Variants in FIG4 observed in about 807,000 individuals in gnomAD.
FIG4 encodes the protein FIG4 phosphoinositide 5-phosphatase.
A neutral mutation model predicts 118.6 loss-of-function variants in FIG4; 112 were observed. The ratio of observed to expected loss-of-function variants is 0.94; its 90% confidence interval spans 0.81 to 1.11. The LOEUF (loss-of-function observed/expected upper bound fraction) is 1.11. Ranked by LOEUF, FIG4 falls within the 50% of genes least tolerant of loss-of-function variation. FIG4 has a pLI of 0.00. For missense variants in FIG4, 969 were observed against 1,111.7 expected, an observed-to-expected ratio of 0.87 and a Z score of 1.83; for synonymous variants, 369 against 381.2, an observed-to-expected ratio of 0.97 and a Z score of 0.37.
At chr6:109,734,907 G>A (rs1316570799) in intron 5 of FIG4, among the ~76,000 whole-genome samples, 1 of 152,054 alleles carries the variant, frequency 6.6e-6, no homozygotes, top group Non-Finnish European at 1.5e-5. Context: ...AATAACGTAG[G>A]TTACTGACAT....
At chr6:109,763,666 A>C (rs1330527573) in intron 12 of FIG4, among the ~76,000 whole-genome samples, 1 of 152,216 alleles carries the variant, frequency 6.6e-6, no homozygotes, top group Non-Finnish European at 1.5e-5. Flanking sequence ...ATTTTGGTTG[A>C]GCATGGGTAA....
chr6:109,756,524 C>A (rs980143592), intron 10 of FIG4, among the ~76,000 whole-genome samples: 48 of 152,180 alleles, frequency 3.2e-4, no homozygotes, highest in Non-Finnish European at 5.0e-4. Context: ...TAATATCCTG[C>A]AGAGTGTTTT....
intron 10 of FIG4, among the ~76,000 whole-genome samples, 180 bp downstream of exon 10, chr6:109,743,952 A>G (rs1776405268): frequency 6.6e-6 from 1 of 152,094 alleles, no homozygotes; most frequent in Non-Finnish European, 1.5e-5. Flanking sequence ...CTCAGATTCC[A>G]TGTGGCTTCT....
rs1266127215 is a variant in FIG4, at chr6:109,791,435, C to T, written c.2240C>T (p.Pro747Leu). ...CGGAAAACGGCAGCCAGCGCCCCGC[C>T]GCCCCCCAGCGAGGAGGCTGTGTCC... is the stretch of plus-strand genomic sequence containing the variant. The part of the protein sequence containing the change: ...LQRKTAASAP[P>L]PPSEEAVSSS... Residue 747 changes from proline (P) to leucine (L), a missense_variant, in exon 20 of 23, where the codon CCG becomes CTG. Pro to Leu is a moderately conservative substitution (Grantham distance 98). This residue lies in a region of FIG4 where 330 missense variants were observed against 348.1 expected (regional missense o/e 0.95). Coordinates refer to ENST00000230124, the MANE Select transcript of FIG4 (RefSeq NM_014845.6). The T allele has an allele frequency of 3.1e-6, 5 of 1,613,614 alleles. No individual in the cohort carries two copies. The highest frequency in any genetic ancestry group is 2.2e-5 in the East Asian group (1 of 44,896).
intron 12 of FIG4, among the ~76,000 whole-genome samples, chr6:109,763,610 T>G (rs942221207): frequency 2.0e-5 from 3 of 152,198 alleles, no homozygotes; most frequent in Admixed American, 6.5e-5. Flanking sequence ...ATTATTCATG[T>G]GTATAGAGAC....
At chr6:109,727,471 G>A (rs1312865662) in intron 4 of FIG4, among the ~76,000 whole-genome samples, 1 of 152,066 alleles carries the variant, frequency 6.6e-6, no homozygotes, top group African/African-American at 2.4e-5. Context: ...AAGATCAAAT[G>A]TTGGCTCAGA....
At chr6:109,722,899 C>G (rs1400513818) in intron 3 of FIG4, among the ~76,000 whole-genome samples, 1 of 152,018 alleles carries the variant, frequency 6.6e-6, no homozygotes, top group African/African-American at 2.4e-5. Context: ...GGTGGCCTAC[C>G]CCTCATGAGC....
intron 8 of FIG4, among the ~76,000 whole-genome samples, chr6:109,742,000 C>T (rs1776339138): frequency 6.7e-6 from 1 of 150,102 alleles, no homozygotes; most frequent in Admixed American, 6.6e-5. Context: ...ATGTGGGGGG[C>T]TGACAATAAT....
chr6:109,761,316 G>T (rs1181815559), intron 11 of FIG4, among the ~76,000 whole-genome samples: 1 of 151,968 alleles, frequency 6.6e-6, no homozygotes, highest in African/African-American at 2.4e-5. Flanking sequence ...TCAGCCTCCT[G>T]AGTAGCTGGG....
At chr6:109,811,146 CAT>C (rs1243839993) in intron 22 of FIG4, among the ~76,000 whole-genome samples, 2 of 152,134 alleles carry the variant, frequency 1.3e-5, no homozygotes, top group African/African-American at 4.8e-5. Context: ...AATTAGGAAT[CAT>C]GTGATCATTC....
chr6:109,703,895 T>C (rs1441160656), intron 1 of FIG4, among the ~76,000 whole-genome samples: 3 of 152,192 alleles, frequency 2.0e-5, no homozygotes, highest in Non-Finnish European at 4.4e-5. Flanking sequence ...TCTCAGCTGG[T>C]TCCTTCTCCG....
intron 14 of FIG4, among the ~76,000 whole-genome samples, chr6:109,765,587 T>C (rs1392164166): frequency 1.3e-5 from 2 of 152,210 alleles, no homozygotes; most frequent in Admixed American, 1.3e-4. Context: ...TTTTTGCTTG[T>C]GTTAATTATG....
At chr6:109,745,576 C>G (rs1257393776) in intron 10 of FIG4, among the ~76,000 whole-genome samples, 2 of 152,004 alleles carry the variant, frequency 1.3e-5, no homozygotes, top group Non-Finnish European at 2.9e-5. Context: ...CAATTTTCTC[C>G]CATTCTATAG....
At chr6:109,744,165 A>G (rs577626655) in intron 10 of FIG4, among the ~76,000 whole-genome samples, 60 of 152,180 alleles carry the variant, frequency 3.9e-4, no homozygotes, top group African/African-American at 1.4e-3. Context: ...TTGAAAATCC[A>G]TAAGCTCCCC....
chr6:109,794,818 C>T (rs1208759243), intron 21 of FIG4, among the ~76,000 whole-genome samples: 1 of 152,174 alleles, frequency 6.6e-6, no homozygotes, highest in Admixed American at 6.5e-5. Context: ...TCCCACCTGG[C>T]CTATCACAGA....
At chr6:109,816,803 A>G (rs751978500) in intron 22 of FIG4, among the ~76,000 whole-genome samples, 6 of 152,264 alleles carry the variant, frequency 3.9e-5, no homozygotes, top group Non-Finnish European at 4.4e-5. Flanking sequence ...GACAAAGTCA[A>G]TGGTAGCTCT....
chr6:109,813,397 C>T (rs1314863647), intron 22 of FIG4, among the ~76,000 whole-genome samples: 2 of 152,194 alleles, frequency 1.3e-5, no homozygotes, highest in East Asian at 1.9e-4. Context: ...TTTGCCAGTA[C>T]TCCCTAAAAT....
chr6:109,761,618 C>T (rs1389927187), intron 11 of FIG4, among the ~76,000 whole-genome samples: 1 of 152,190 alleles, frequency 6.6e-6, no homozygotes, highest in Non-Finnish European at 1.5e-5. Flanking sequence ...AACTCCTGAC[C>T]TTAAGTGATC....
intron 5 of FIG4, among the ~76,000 whole-genome samples, chr6:109,734,001 A>G (rs1026021829): frequency 2.6e-5 from 4 of 151,974 alleles, no homozygotes; most frequent in African/African-American, 9.7e-5. Flanking sequence ...TTTAAATAGA[A>G]ATAATTGATT....
Sources: gnomAD v4.1 joint callset for allele counts (sites outside exome capture counted in the v4.1 genomes callset) on GRCh38, gnomAD v4.1.1 for gene constraint, gnomAD v4.1.1 regional missense constraint, MANE v1.5 for transcripts, NCBI Gene and HGNC (gene_info 2026-07-23, HGNC 2026-07-21) for gene names.